The following PRRT4 variants were observed in gnomAD, a reference collection of about 807,000 sequenced individuals.
PRRT4 encodes proline rich transmembrane protein 4.
PRRT4 carries 59 observed loss-of-function variants against 55.6 expected under a neutral mutation model. That is an observed-to-expected ratio of 1.06 (90% confidence interval 0.86 to 1.32). The LOEUF (loss-of-function observed/expected upper bound fraction) is 1.32, where lower values mean the gene tolerates loss of function less well. PRRT4 is among the 40% of genes most tolerant of loss of function. The probability of loss-of-function intolerance (pLI) is 0.00; values close to 1 mark genes in which losing one functional copy is unlikely to be tolerated. For synonymous variants in PRRT4, 606 were observed against 601.8 expected, an observed-to-expected ratio of 1.01 and a Z score of -0.10; for missense variants, 1,217 against 1,222.0, an observed-to-expected ratio of 1.00 and a Z score of 0.06.
Position 128,358,766 on chromosome 7 carries a change from G to A in PRRT4, c.792C>T (p.Tyr264=). 6 of 1,551,312 alleles carry A rather than the reference G, an allele frequency of 3.9e-6. No homozygotes were observed. The highest frequency in any genetic ancestry group is 5.2e-6 in the Non-Finnish European group (6 of 1,146,790). ...GGCTGGAGAGCTTCCTCTCCAGGGA[G>A]TATGGGGGCAGGGACAGAGTGGTAC... is the stretch of plus-strand genomic sequence containing the variant. The change falls in exon 4 of 5, where the codon TAC becomes TAT. Residue 264 remains tyrosine (Y), a synonymous_variant. Coordinates refer to ENST00000535159, the Ensembl canonical transcript of PRRT4. This position sits in a 1 kb window ranked among gnomAD's most constrained non-coding sequence, Gnocchi z 4.4.
At chr7:128,351,041 G>C in exon 5 of PRRT4, 9 of 1,549,406 alleles carry the variant, frequency 5.8e-6, no homozygotes, top group Non-Finnish European at 7.8e-6. Flanking sequence ...CTTCCTGAGG[G>C]CCGCGGGGGA....
chr7:128,359,066 A>AT, intron 3 of PRRT4, 83 bp downstream of exon 4: 1 of 1,415,832 alleles, frequency 7.1e-7, no homozygotes, highest in Non-Finnish European at 9.8e-7. Context: ...AAGTAAAAAA[A>AT]GAAAGGTACT....
exon 5 of PRRT4, chr7:128,351,939 T>C (rs1002815498): frequency 7.0e-6 from 9 of 1,293,960 alleles, no homozygotes; most frequent in African/African-American, 1.6e-5. Flanking sequence ...GCGGCAGGGG[T>C]GTGGCGCCCT....
downstream of PRRT4, chr7:128,350,714 C>T: frequency 7.3e-7 from 1 of 1,360,646 alleles, no homozygotes. Context: ...CTGACCCACC[C>T]ACCCAGGGAC....
chr7:128,356,211 C>T (rs1353586896), intron 4 of PRRT4, among the ~76,000 whole-genome samples: 1 of 152,066 alleles, frequency 6.6e-6, no homozygotes, highest in Non-Finnish European at 1.5e-5. Context: ...GAGATCACAC[C>T]ACTGCACTCC....
chr7:128,352,186 C>T, exon 5 of PRRT4: 2 of 1,432,248 alleles, frequency 1.4e-6, no homozygotes. Context: ...CGGGCGCGGC[C>T]GGGCCAGCAG....
Position 128,361,305 on chromosome 7 carries a change from C to T in PRRT4, c.-73+256G>A, listed in dbSNP as rs1797251563. ...CACACCCCCAGCCCGGACCGGCCGA[C>T]CTGCTCCCCGGGGTCTCTCCCGCAG... is the stretch of plus-strand genomic sequence containing the variant. On this transcript the variant is annotated intron_variant, in intron 1 of 4. Transcript: ENST00000535159. The T allele has an allele frequency of 6.6e-6, 1 of 152,058 alleles. No homozygotes were observed. Among genetic ancestry groups the T allele is most frequent in the South Asian group, 2.1e-4 (1 of 4,832 alleles). 9.4% of individuals were successfully genotyped at this position (152,058 alleles called of 1,614,324 possible).
At chr7:128,359,729 T>C in exon 2 of PRRT4, 5 of 1,551,462 alleles carry the variant, frequency 3.2e-6, no homozygotes, top group Non-Finnish European at 3.5e-6. Context: ...ACTGGCCACC[T>C]CTTCCCCTGG....
In PRRT4 at chr7:128,352,577, C is replaced by A; in HGVS notation, c.979G>T (p.Gly327Ter). The change falls in exon 5 of 5, where the codon GGA becomes TGA. Residue 327 changes from glycine to a stop codon, truncating the protein, a stop_gained. Coordinates refer to ENST00000535159, the Ensembl canonical transcript of PRRT4. LOFTEE classifies it high-confidence loss of function. ...TGCCCCTCGCGTTCAGGCAATTCTC[C>A]CACGCTGCAGGACCCTGGCCCACAC... is the stretch of plus-strand genomic sequence containing the variant. 6.5e-7 allele frequency: 1 copy of A among 1,544,538 alleles called. No homozygotes were observed.
chr7:128,359,695 C>G (rs1401283550), exon 2 of PRRT4: 1 of 1,551,518 alleles, frequency 6.4e-7, no homozygotes, highest in South Asian at 1.2e-5. Context: ...CCAGCAATTC[C>G]CAAAGGGGGT....
chr7:128,358,102 GTAAA>G lies in PRRT4; in HGVS notation c.877+575_877+578del, dbSNP rs1797154414. Among the ~76,000 whole-genome samples the G allele has an allele frequency of 6.6e-6, 1 of 152,188 alleles. No homozygotes were observed. Among genetic ancestry groups the G allele is most frequent in the Non-Finnish European group, 1.5e-5 (1 of 68,030 alleles). ...CGTGCCTAAAGTCACTAGCTAGTGA[GTAAA>G]TAAATTGTGATTCAAAGCCAGGTCT... is the stretch of plus-strand genomic sequence containing the variant. On this transcript the variant is annotated intron_variant, in intron 4 of 4. Transcript: ENST00000535159. The surrounding 1 kb of genome is among the most constrained non-coding windows in gnomAD (Gnocchi z 4.4).
chr7:128,355,167 T>TG (rs771892656), intron 4 of PRRT4, among the ~76,000 whole-genome samples: 1 of 152,170 alleles, frequency 6.6e-6, no homozygotes, highest in Non-Finnish European at 1.5e-5. Context: ...TTATGAACTC[T>TG]GTTTAACTAA....
Position 128,359,911 on chromosome 7 carries a change from G to C in PRRT4, c.81C>G (p.Pro27=), listed in dbSNP as rs1221686152. ...TGGTGGCAGGGGCACCTGGGATGGA[G>C]GGGGTGGGCTGGGGGCCCACAGTAG... The change falls in exon 2 of 5, where the codon CCC becomes CCG. Residue 27 remains proline, a synonymous_variant. Coordinates refer to ENST00000535159, the Ensembl canonical transcript of PRRT4. 4 of 1,459,056 alleles carry C rather than the reference G, an allele frequency of 2.7e-6. No individual in the cohort carries two copies. The Middle Eastern group carries it at 5.4e-4, about 197-fold the overall frequency. 90.4% of individuals were successfully genotyped at this position (1,459,056 alleles called of 1,614,324 possible). A position where few individuals can be genotyped will look rare whatever the true frequency, so the allele number is the denominator to read the frequency against.
chr7:128,352,187 G>C, exon 5 of PRRT4: 1 of 1,434,144 alleles, frequency 7.0e-7, no homozygotes, highest in Non-Finnish European at 9.0e-7. Flanking sequence ...GGGCGCGGCC[G>C]GGCCAGCAGC....
downstream of PRRT4, chr7:128,350,710 C>A: frequency 7.6e-7 from 1 of 1,313,004 alleles, no homozygotes; most frequent in Non-Finnish European, 1.0e-6. Context: ...GCTGCTGACC[C>A]ACCCACCCAG....
Position 128,358,640 on chromosome 7 carries a change from TC to T in PRRT4, c.877+40del. 1 of 1,531,000 alleles carries T rather than the reference TC, an allele frequency of 6.5e-7. No individual in the cohort carries two copies. Among genetic ancestry groups the T allele is most frequent in the Non-Finnish European group, 8.9e-7 (1 of 1,128,726 alleles). The allele number at this position is 1,531,000 out of a possible 1,614,324, so 94.8% of individuals were successfully genotyped here. The stretch of plus-strand genomic sequence containing the variant: ...TGAGTGACTAGCATGTAGTAAGTGC[TC>T]AATAAATAATTGTCAAGTTCAAATG... On this transcript the variant is annotated intron_variant, in intron 4 of 4. Transcript: ENST00000535159. The surrounding 1 kb of genome is among the most constrained non-coding windows in gnomAD (Gnocchi z 4.4).
chr7:128,351,214 G>C, exon 5 of PRRT4: 3 of 1,540,492 alleles, frequency 1.9e-6, no homozygotes, highest in Non-Finnish European at 1.7e-6. Flanking sequence ...AGCGGGGCCA[G>C]AGGCCTCCCC....
At chr7:128,356,829 C>T (rs1230700103) in intron 4 of PRRT4, among the ~76,000 whole-genome samples, 5 of 152,234 alleles carry the variant, frequency 3.3e-5, no homozygotes, top group African/African-American at 1.2e-4. Flanking sequence ...AGTGGCCTGG[C>T]CCCATCCCTC....
At chr7:128,359,470 G>T (rs1000265279) in exon 2 of PRRT4, 15 of 1,462,570 alleles carry the variant, frequency 1.0e-5, no homozygotes, top group Admixed American at 2.8e-5. Context: ...GCTCCAGCTC[G>T]CTCTGGTGGG....
Sources: allele counts gnomAD v4.1 joint callset (sites outside exome capture counted in the v4.1 genomes callset), GRCh38; gene constraint gnomAD v4.1.1; non-coding constraint Gnocchi (gnomAD v3.1); transcripts MANE v1.5; gene names NCBI Gene and HGNC (gene_info 2026-07-23, HGNC 2026-07-21).